The following AMOT variants were observed in gnomAD, a reference collection of about 807,000 sequenced individuals.
The protein encoded by AMOT is angiomotin.
Under a neutral mutation model 67.0 loss-of-function variants are expected in AMOT, and 11 were observed. That is an observed-to-expected ratio of 0.16 (90% CI 0.10 to 0.27). AMOT has a LOEUF of 0.27. AMOT is among the 10% of genes least tolerant of loss of function. The probability of loss-of-function intolerance (pLI) is 1.00; values close to 1 mark genes in which losing one functional copy is unlikely to be tolerated. For missense variants in AMOT, 753 were observed against 852.0 expected (o/e 0.88, Z 1.45); for synonymous variants, 326 against 321.4 (o/e 1.01, Z -0.15).
chrX:112,809,598 T>A (rs957869429), intron 7 of AMOT, among the ~76,000 whole-genome samples: 2 of 111,548 alleles, frequency 1.8e-5, no homozygotes, highest in African/African-American at 6.5e-5. Flanking sequence ...GACCTCATGT[T>A]CAGTAAGCCT....
intron 10 of AMOT, 30 bp downstream of exon 10, chrX:112,790,562 C>T (rs1302044433): frequency 8.7e-7 from 1 of 1,144,924 alleles, no homozygotes; most frequent in Non-Finnish European, 1.2e-6. Context: ...TCTGTTCTTC[C>T]CACTCATGCC....
chrX:112,806,686 T>C (rs1382512328), intron 7 of AMOT, among the ~76,000 whole-genome samples: 1 of 111,755 alleles, frequency 8.9e-6, no homozygotes, highest in Non-Finnish European at 1.9e-5. Flanking sequence ...CATAAGTTAA[T>C]ACAGATTTAT....
At chrX:112,795,552 CAG>C (rs1295352568) in intron 8 of AMOT, among the ~76,000 whole-genome samples, 2 of 111,164 alleles carry the variant, frequency 1.8e-5, no homozygotes, top group Non-Finnish European at 3.8e-5. Flanking sequence ...GCTACAATGG[CAG>C]AGTCGAACAG....
chrX:112,804,898 T>TGGCC, intron 8 of AMOT, 49 bp downstream of exon 8: 64 of 837,517 alleles, frequency 7.6e-5, no homozygotes, highest in East Asian at 1.5e-4. Flanking sequence ...GTCCCCGATT[T>TGGCC]CCCAGCCCTC....
chrX:112,837,722 C>T (rs1302038079), intron 1 of AMOT, among the ~76,000 whole-genome samples: 2 of 111,129 alleles, frequency 1.8e-5, no homozygotes, highest in Admixed American at 9.6e-5. Context: ...CAAAAGGCAG[C>T]AAGGAGGGAA....
In AMOT at chrX:112,822,767, C is replaced by G. The variant is rs1162435360; in HGVS notation, c.360G>C (p.Arg120=). 1 of 1,167,152 alleles carries G rather than the reference C, an allele frequency of 8.6e-7. No homozygotes were observed. The highest frequency in any genetic ancestry group is 2.6e-5 in the Admixed American group (1 of 38,670). The change falls in exon 4 of 14, where the codon CGG becomes CGC. Residue 120 remains arginine, a synonymous_variant. Transcript: ENST00000371959. ...EEAKVQSQYF[R]GQQHASVGAA... is the part of the protein sequence containing the mutation. ...CTCCAACACTGGCATGCTGTTGGCC[C>G]CGAAAGTACTGGGACTGGACCTTGG...
rs140908142 is a variant in AMOT at position 112,816,017 on chromosome X, G to A, written c.873-140C>T. ...GAAGAGCAGGCAGGGTCTGACTATG[G>A]GGAAGTCTAACCCTGCCTGCTCTAT... On this transcript the variant is annotated intron_variant, in intron 4 of 13. Transcript: ENST00000371959. 367 of 906,940 alleles carry A rather than the reference G, an allele frequency of 4.0e-4. No homozygotes were observed. The African/African-American group carries it at 7.0e-3, about 17-fold the overall frequency. The allele number at this position is 906,940 out of a possible 1,213,427, so 74.7% of individuals were successfully genotyped here.
chrX:112,792,445 C>T (rs1378629827), intron 8 of AMOT, among the ~76,000 whole-genome samples: 1 of 112,205 alleles, frequency 8.9e-6, no homozygotes, highest in African/African-American at 3.2e-5. Flanking sequence ...GAAAGCCCAC[C>T]CCTTTTATGT....
At chrX:112,781,595 T>C (rs1933177704) in intron 11 of AMOT, among the ~76,000 whole-genome samples, 1 of 111,385 alleles carries the variant, frequency 9.0e-6, no homozygotes, top group African/African-American at 3.3e-5. Context: ...GTGCTACAGT[T>C]TTTAAAACAT....
chrX:112,811,363 C>T lies in AMOT; in HGVS notation c.1423G>A (p.Ala475Thr). ...VETEIQRVSE[A>T]YENLVKSSSK... ...GATGACTTCACGAGGTTCTCATATGCCTCCGAGACGCGCTGGATTTCTGTC... is the reference window on the plus strand; with the variant it reads ...GATGACTTCACGAGGTTCTCATATGTCTCCGAGACGCGCTGGATTTCTGTC... Residue 475 changes from alanine (A) to threonine (T), a missense_variant, in exon 6 of 14, where the codon GCA (alanine) becomes ACA (threonine). This residue lies in a region of AMOT where 297 missense variants were observed against 284.3 expected (regional missense o/e 1.04). Transcript: ENST00000371959. 1 of 1,208,204 alleles carries T rather than the reference C, an allele frequency of 8.3e-7. No individual in the cohort carries two copies. The highest frequency in any genetic ancestry group is 1.8e-5 in the South Asian group (1 of 56,289).
chrX:112,797,316 C>T (rs993976209), intron 8 of AMOT, among the ~76,000 whole-genome samples: 1 of 111,350 alleles, frequency 9.0e-6, no homozygotes, highest in Non-Finnish European at 1.9e-5. Context: ...TCATAGCCAA[C>T]ACAGTTTAAG....
At chrX:112,798,143 C>T (rs1182131916) in intron 8 of AMOT, among the ~76,000 whole-genome samples, 1 of 111,940 alleles carries the variant, frequency 8.9e-6, no homozygotes, top group Non-Finnish European at 1.9e-5. Flanking sequence ...CCTTATCAAT[C>T]TAGGCTCCAA....
intron 8 of AMOT, among the ~76,000 whole-genome samples, chrX:112,792,745 T>C (rs1276158549): frequency 9.0e-6 from 1 of 111,708 alleles, no homozygotes; most frequent in East Asian, 2.8e-4. Flanking sequence ...ACTTTTATTC[T>C]GGAACCATAA....
At chrX:112,792,030 G>A (rs776256555) in intron 8 of AMOT, 49 bp from the exon 9 acceptor site, 11 of 1,185,714 alleles carry the variant, frequency 9.3e-6, no homozygotes, top group Non-Finnish European at 1.3e-5. Flanking sequence ...AAAACAGCAA[G>A]CAACAGGGTC....
At chrX:112,839,515 G>A (rs1277893902) in intron 1 of AMOT, among the ~76,000 whole-genome samples, 1 of 111,603 alleles carries the variant, frequency 9.0e-6, no homozygotes, top group Admixed American at 9.4e-5. Flanking sequence ...TGGCGGGGAG[G>A]GAGGAGAACT....
At chrX:112,800,218 G>A (rs1432938210) in intron 8 of AMOT, among the ~76,000 whole-genome samples, 1 of 109,815 alleles carries the variant, frequency 9.1e-6, no homozygotes, top group African/African-American at 3.3e-5. Flanking sequence ...GTGACAAAGC[G>A]AGACTGCATC....
chrX:112,823,845 C>T (rs1445722326), intron 3 of AMOT, among the ~76,000 whole-genome samples: 3 of 112,009 alleles, frequency 2.7e-5, no homozygotes, highest in Non-Finnish European at 5.6e-5. Context: ...ATACTTATTA[C>T]TGACAAAGTT....
chrX:112,784,235 A>G (rs1226041705), intron 10 of AMOT, among the ~76,000 whole-genome samples: 1 of 112,214 alleles, frequency 8.9e-6, no homozygotes, highest in Non-Finnish European at 1.9e-5. Context: ...ATAGTGCTTG[A>G]GAGCACAGGC....
At chrX:112,813,840 G>A (rs183055881) in intron 5 of AMOT, among the ~76,000 whole-genome samples, 169 of 111,949 alleles carry the variant, frequency 1.5e-3, no homozygotes, top group Non-Finnish European at 2.7e-3. Context: ...AAGCGATGGG[G>A]ATAGGGATAT....
Sources: allele counts gnomAD v4.1 joint callset (sites outside exome capture counted in the v4.1 genomes callset), GRCh38; gene constraint gnomAD v4.1.1; regional missense constraint gnomAD v4.1.1; transcripts MANE v1.5; gene names NCBI Gene and HGNC (gene_info 2026-07-23, HGNC 2026-07-21).